PCM1: variants seen among roughly 807,000 people sequenced by gnomAD.
PCM1 encodes pericentriolar material 1 protein.
A neutral mutation model predicts 241.9 loss-of-function variants in PCM1; 157 were observed. That is an observed-to-expected ratio of 0.65 (90% confidence interval 0.57 to 0.74). The LOEUF (loss-of-function observed/expected upper bound fraction) is 0.74, where lower values mean the gene tolerates loss of function less well. PCM1 is among the 30% of genes least tolerant of loss of function. The pLI is 0.00. For missense variants in PCM1, 3,478 were observed against 2,360.1 expected (o/e 1.47, Z -9.81); for synonymous variants, 1,085 against 784.9 (o/e 1.38, Z -6.39).
chr8:18,025,242 G>C (rs937021329), intron 36 of PCM1, 119 bp from the exon 37 acceptor site: 1 of 522,904 alleles, frequency 1.9e-6, no homozygotes, highest in Non-Finnish European at 3.5e-6. Flanking sequence ...TATTCATAGA[G>C]CTGAATGTAG....
chr8:18,018,281 C>G (rs562551715), intron 36 of PCM1, among the ~76,000 whole-genome samples: 3 of 152,292 alleles, frequency 2.0e-5, no homozygotes, highest in Admixed American at 1.3e-4. Context: ...AGGAATTGAT[C>G]ATATTGAAAC....
At chr8:18,021,673 T>C (rs2093765419) in intron 36 of PCM1, among the ~76,000 whole-genome samples, 1 of 152,212 alleles carries the variant, frequency 6.6e-6, no homozygotes, top group South Asian at 2.1e-4. Context: ...CTCGGTCTTC[T>C]GGAAAGCTTG....
At chr8:17,942,330 G>C (rs1462182716) in intron 6 of PCM1, among the ~76,000 whole-genome samples, 2 of 152,068 alleles carry the variant, frequency 1.3e-5, no homozygotes, top group Non-Finnish European at 2.9e-5. Flanking sequence ...AGCTGGGCAC[G>C]GTGGCGCACG....
intron 2 of PCM1, chr8:17,928,044 G>T (rs552224248): frequency 1.6e-4 from 25 of 151,914 alleles, no homozygotes; most frequent in African/African-American, 6.0e-4. Flanking sequence ...AGAAGTGCGT[G>T]TTTAAAGTAG....
At chr8:17,998,488 C>G (rs185857169) in intron 29 of PCM1, among the ~76,000 whole-genome samples, 105 of 152,282 alleles carry the variant, frequency 6.9e-4, no homozygotes, top group African/African-American at 2.5e-3. Flanking sequence ...GACTTCTGTT[C>G]TCTTCCTTTA....
intron 26 of PCM1, 194 bp downstream of exon 26, chr8:17,986,281 A>G: frequency 2.5e-6 from 1 of 402,664 alleles, no homozygotes; most frequent in East Asian, 4.0e-5. Flanking sequence ...AGCAAACACC[A>G]AAAATTATGT....
intron 6 of PCM1, 125 bp downstream of exon 6, chr8:17,939,986 A>G (rs2061553167): frequency 2.4e-6 from 3 of 1,275,702 alleles, no homozygotes; most frequent in Non-Finnish European, 2.2e-6. Context: ...CATCCATTAT[A>G]ACAATTTATT....
intron 9 of PCM1, 28 bp from the exon 10 acceptor site, chr8:17,955,442 A>C (rs762339904): frequency 6.6e-6 from 10 of 1,518,438 alleles, no homozygotes; most frequent in Non-Finnish European, 8.8e-6. Context: ...TGATTAAAAA[A>C]AATTTTTTGT....
chr8:18,025,840 T>G (rs1050990369), intron 38 of PCM1, among the ~76,000 whole-genome samples, 182 bp downstream of exon 38: 1 of 152,178 alleles, frequency 6.6e-6, no homozygotes, highest in Admixed American at 6.5e-5. Flanking sequence ...TCAGATAATT[T>G]TTTTCTATTC....
intron 21 of PCM1, among the ~76,000 whole-genome samples, chr8:17,967,825 G>C (rs1335883167): frequency 1.3e-5 from 2 of 152,134 alleles, no homozygotes; most frequent in African/African-American, 2.4e-5. Context: ...GATGCTAATA[G>C]ACTAAAGGAG....
intron 2 of PCM1, among the ~76,000 whole-genome samples, chr8:17,934,302 C>T (rs563997857): frequency 1.2e-4 from 18 of 150,658 alleles, no homozygotes; most frequent in Middle Eastern, 3.4e-3. Flanking sequence ...TTGCTAGTCA[C>T]CCAGGCTGGA....
chr8:17,993,577 G>A lies in PCM1; in HGVS notation c.4785G>A (p.Arg1595=). 1.3e-6 allele frequency: 2 copies of A among 1,592,944 alleles called. No homozygotes were observed. Among genetic ancestry groups the A allele is most frequent in the Non-Finnish European group, 1.7e-6 (2 of 1,168,522 alleles). ...GAATTGATACTCAGCAGCTGGACCGGCAAATTAAAGCAATTATGAAAGAAG... is the reference window on the plus strand; with the variant it reads ...GAATTGATACTCAGCAGCTGGACCGACAAATTAAAGCAATTATGAAAGAAG... ...CPRIDTQQLD[R]QIKAIMKEVI... Residue 1595 remains arginine, a synonymous_variant, in exon 29 of 39, where the codon CGG becomes CGA. Transcript: ENST00000325083.
intron 36 of PCM1, among the ~76,000 whole-genome samples, chr8:18,018,809 C>CA (rs1256522998): frequency 0.014 from 1,171 of 86,350 alleles, 18 homozygotes; most frequent in African/African-American, 0.045. Flanking sequence ...GATTCCGTCT[C>CA]AAAAAAAAAA....
chr8:18,013,104 G>GTCTTT (rs1447099183), intron 34 of PCM1, among the ~76,000 whole-genome samples: 1 of 152,084 alleles, frequency 6.6e-6, no homozygotes, highest in African/African-American at 2.4e-5. Context: ...GTATCTATTG[G>GTCTTT]TCTTTTCTTT....
chr8:18,024,085 C>T (rs570368609), intron 36 of PCM1, among the ~76,000 whole-genome samples: 1 of 152,340 alleles, frequency 6.6e-6, no homozygotes, highest in African/African-American at 2.4e-5. Flanking sequence ...CTTAATCTTC[C>T]TTGAATTGCA....
chr8:17,955,409 A>T (rs1465002594), intron 9 of PCM1, 61 bp from the exon 10 acceptor site: 4 of 1,134,732 alleles, frequency 3.5e-6, no homozygotes, highest in Non-Finnish European at 4.9e-6. Context: ...AGCCAACTGT[A>T]TGTGTTTGTT....
At chr8:18,018,852 GTATATA>G (rs71519940) in intron 36 of PCM1, among the ~76,000 whole-genome samples, 9 of 53,740 alleles carry the variant, frequency 1.7e-4, no homozygotes, top group African/African-American at 3.7e-4. Context: ...GTGTGTGTGT[GTATATA>G]TATATATATA....
intron 6 of PCM1, among the ~76,000 whole-genome samples, chr8:17,945,560 A>G (rs2063480873): frequency 6.6e-6 from 1 of 152,184 alleles, no homozygotes; most frequent in African/African-American, 2.4e-5. Context: ...TTTGCCATGT[A>G]CTTATTTGTT....
At chr8:17,960,287 C>G in intron 14 of PCM1, 28 bp from the exon 15 acceptor site, 5 of 1,588,410 alleles carry the variant, frequency 3.1e-6, no homozygotes, top group Non-Finnish European at 4.3e-6. Context: ...TATTGGAGTC[C>G]ATAAATATAA....
Sources: gnomAD v4.1 joint callset for allele counts (sites outside exome capture counted in the v4.1 genomes callset) on GRCh38, gnomAD v4.1.1 for gene constraint, MANE v1.5 for transcripts, NCBI Gene and HGNC (gene_info 2026-07-23, HGNC 2026-07-21) for gene names.